Variants in CLVS1 observed in about 807,000 individuals in gnomAD.
The protein encoded by CLVS1 is clavesin 1, also known as clavesin-1.
Under a neutral mutation model 33.1 loss-of-function variants are expected in CLVS1, and 10 were observed. That is an observed-to-expected ratio of 0.30 (90% CI 0.19 to 0.51). The LOEUF (loss-of-function observed/expected upper bound fraction) is 0.51. Ranked by LOEUF, CLVS1 falls within the 20% of genes least tolerant of loss-of-function variation. The pLI is 0.97. For synonymous variants in CLVS1, 163 were observed against 166.1 expected, an observed-to-expected ratio of 0.98 and a Z score of 0.14; for missense variants, 343 against 433.4, an observed-to-expected ratio of 0.79 and a Z score of 1.85.
chr8:61,374,260 T>C (rs770601141), intron 2 of CLVS1, among the ~76,000 whole-genome samples: 1 of 152,186 alleles, frequency 6.6e-6, no homozygotes, highest in Non-Finnish European at 1.5e-5. Flanking sequence ...CTTCTTTTTC[T>C]TTTTTAACAG....
At chr8:60,966,105 C>A in the CLVS1 span, 1 of 263,390 alleles carries the variant, frequency 3.8e-6, no homozygotes, top group Non-Finnish European at 7.7e-6. Context: ...AGCCACTGCG[C>A]CTGGCCCCAG....
chr8:61,060,807 G>A (rs779900250), intron 1 of CLVS1, among the ~76,000 whole-genome samples: 6 of 152,162 alleles, frequency 3.9e-5, no homozygotes, highest in Non-Finnish European at 8.8e-5. Flanking sequence ...AAACGTGCCC[G>A]AGGCCACAGA....
intron 1 of CLVS1, among the ~76,000 whole-genome samples, chr8:61,118,326 C>T (rs919569899): frequency 1.3e-5 from 2 of 152,072 alleles, no homozygotes; most frequent in South Asian, 2.1e-4. Context: ...AACACCAGCT[C>T]CTGGGTTCAT....
At chr8:61,265,946 C>T (rs1380269437) in intron 2 of CLVS1, among the ~76,000 whole-genome samples, 3 of 152,226 alleles carry the variant, frequency 2.0e-5, no homozygotes, top group Non-Finnish European at 4.4e-5. Flanking sequence ...AGCCCCCTCA[C>T]CAGCCATTGC....
the CLVS1 span, among the ~76,000 whole-genome samples, chr8:61,009,986 A>G: frequency 6.6e-6 from 1 of 152,186 alleles, no homozygotes; most frequent in African/African-American, 2.4e-5. Context: ...CATTGAGCTG[A>G]TGAATTCAAA....
chr8:61,353,579 T>C (rs536834183), intron 2 of CLVS1, among the ~76,000 whole-genome samples: 1 of 151,748 alleles, frequency 6.6e-6, no homozygotes, highest in Non-Finnish European at 1.5e-5. Context: ...TCCACATATA[T>C]GAGATGCAGA....
chr8:61,486,465 C>T (rs117658214), intron 5 of CLVS1, among the ~76,000 whole-genome samples: 33 of 152,218 alleles, frequency 2.2e-4, no homozygotes, highest in Middle Eastern at 3.4e-3. Flanking sequence ...CTGACTTTTA[C>T]GTTATTTTGA....
At chr8:61,290,039 A>G (rs2129593739) in intron 1 of CLVS1, among the ~76,000 whole-genome samples, 1 of 152,360 alleles carries the variant, frequency 6.6e-6, no homozygotes, top group East Asian at 1.9e-4. Flanking sequence ...CTGAGAAAGG[A>G]GATTCTTAAA....
At chr8:61,011,665 T>G in the CLVS1 span, among the ~76,000 whole-genome samples, 2 of 152,146 alleles carry the variant, frequency 1.3e-5, no homozygotes, top group Non-Finnish European at 2.9e-5. Context: ...ACCAGGCTGG[T>G]CTCGAATGCC....
intron 2 of CLVS1, among the ~76,000 whole-genome samples, chr8:61,357,455 G>A (rs1306613093): frequency 1.4e-5 from 2 of 138,722 alleles, no homozygotes; most frequent in African/African-American, 5.2e-5. Flanking sequence ...TGTTTGCCAG[G>A]ACGTTTTTTT....
chr8:61,014,087 T>G, the CLVS1 span, among the ~76,000 whole-genome samples: 1 of 58,750 alleles, frequency 1.7e-5, no homozygotes, highest in East Asian at 4.2e-4. Context: ...TTTTTAGTGT[T>G]TTTTTTTTTT....
chr8:61,022,656 G>A, the CLVS1 span, among the ~76,000 whole-genome samples: 7 of 152,094 alleles, frequency 4.6e-5, no homozygotes, highest in African/African-American at 1.4e-4. Context: ...GTCATTTATC[G>A]TGAGAACAAG....
intron 3 of CLVS1, among the ~76,000 whole-genome samples, chr8:61,434,455 C>A (rs1460329510): frequency 6.6e-6 from 1 of 152,154 alleles, no homozygotes. Flanking sequence ...TGTGACACAG[C>A]CCTCAGGAAG....
intron 2 of CLVS1, among the ~76,000 whole-genome samples, chr8:61,214,329 G>C (rs1048189483): frequency 6.6e-6 from 1 of 152,110 alleles, no homozygotes; most frequent in Non-Finnish European, 1.5e-5. Flanking sequence ...AAACTTGCTG[G>C]TTTTTGCGGC....
At chr8:61,480,686 C>T (rs1157763634) in intron 5 of CLVS1, among the ~76,000 whole-genome samples, 1 of 152,090 alleles carries the variant, frequency 6.6e-6, no homozygotes, top group Non-Finnish European at 1.5e-5. Context: ...CTGCTGGGAG[C>T]TGTAGACTGG....
At chr8:61,390,805 C>T (rs944082238) in intron 3 of CLVS1, among the ~76,000 whole-genome samples, 1 of 152,132 alleles carries the variant, frequency 6.6e-6, no homozygotes, top group Non-Finnish European at 1.5e-5. Context: ...AACATTTTAT[C>T]TCATCACAAA....
chr8:61,417,848 G>T (rs1343686526), intron 3 of CLVS1, among the ~76,000 whole-genome samples: 2 of 152,180 alleles, frequency 1.3e-5, no homozygotes, highest in Non-Finnish European at 2.9e-5. Context: ...CCTTGAAAGG[G>T]TTATAAAGAC....
At chr8:61,382,082 C>T (rs972227277) in intron 3 of CLVS1, among the ~76,000 whole-genome samples, 3 of 152,148 alleles carry the variant, frequency 2.0e-5, no homozygotes, top group Admixed American at 6.5e-5. Context: ...TTTTCCAAAA[C>T]ATGATATGTT....
intron 1 of CLVS1, among the ~76,000 whole-genome samples, chr8:61,115,544 A>T (rs915046064): frequency 6.6e-6 from 1 of 151,060 alleles, no homozygotes; most frequent in African/African-American, 2.4e-5. Flanking sequence ...ACCCCACAAC[A>T]GTCCCCAGTG....
Sources: allele counts gnomAD v4.1 joint callset (sites outside exome capture counted in the v4.1 genomes callset), GRCh38; gene constraint gnomAD v4.1.1; transcripts MANE v1.5; gene names NCBI Gene and HGNC (gene_info 2026-07-23, HGNC 2026-07-21).